The following LAYN variants were observed in gnomAD, a reference collection of about 807,000 sequenced individuals.
The protein encoded by LAYN is layilin.
In LAYN, 38 loss-of-function variants were observed where a neutral mutation model predicts 43.6. The observed-to-expected ratio is 0.87, with a 90% CI of 0.67 to 1.14. The LOEUF (loss-of-function observed/expected upper bound fraction) is 1.14, where lower values mean the gene tolerates loss of function less well. LAYN is among the 50% of genes most tolerant of loss of function. The pLI is 0.00. For missense variants in LAYN, 479 were observed against 463.8 expected, an observed-to-expected ratio of 1.03 and a Z score of -0.30; for synonymous variants, 168 against 172.9, an observed-to-expected ratio of 0.97 and a Z score of 0.22.
chr11:111,540,997 C>CAGAAGAGGG, intron 1 of LAYN, 69 bp downstream of exon 1: 1 of 1,432,696 alleles, frequency 7.0e-7, no homozygotes, highest in Non-Finnish European at 9.4e-7. Flanking sequence ...GCTGCTGACC[C>CAGAAGAGGG]TCTTCTGGGT....
chr11:111,557,450 G>T (rs1431670907), intron 5 of LAYN, 91 bp from the exon 6 acceptor site: 3 of 1,014,126 alleles, frequency 3.0e-6, no homozygotes, highest in Admixed American at 4.0e-5. Context: ...AGTGGTTTTT[G>T]ACGATTATGC....
At chr11:111,555,035 T>C (rs1479479157) in intron 4 of LAYN, among the ~76,000 whole-genome samples, 172 bp from the exon 5 acceptor site, 3 of 152,218 alleles carry the variant, frequency 2.0e-5, no homozygotes, top group Non-Finnish European at 4.4e-5. Context: ...AAGACAAAGA[T>C]AATTTAAACC....
At chr11:111,541,035 C>T in intron 1 of LAYN, 107 bp downstream of exon 1, 1 of 987,950 alleles carries the variant, frequency 1.0e-6, no homozygotes. Context: ...GAAGGCCGTC[C>T]CATGCCCCAC....
At chr11:111,549,827 T>C in intron 3 of LAYN, 52 bp downstream of exon 3, 1 of 1,544,112 alleles carries the variant, frequency 6.5e-7, no homozygotes, top group Non-Finnish European at 8.7e-7. Context: ...TTCTCTCATT[T>C]CATGAGCTGC....
At chr11:111,552,682 G>C (rs1867765079) in intron 3 of LAYN, among the ~76,000 whole-genome samples, 1 of 152,112 alleles carries the variant, frequency 6.6e-6, no homozygotes. Context: ...TTTGCACCGT[G>C]GATTGAAGTA....
intron 1 of LAYN, among the ~76,000 whole-genome samples, chr11:111,543,031 G>A (rs1000615343): frequency 1.3e-5 from 2 of 152,162 alleles, no homozygotes; most frequent in African/African-American, 4.8e-5. Context: ...CCCTTCAGGG[G>A]ACAGACTGAT....
intron 6 of LAYN, among the ~76,000 whole-genome samples, chr11:111,559,042 G>A (rs552673086): frequency 1.3e-5 from 2 of 151,982 alleles, no homozygotes; most frequent in South Asian, 4.2e-4. Flanking sequence ...CACCTCAGCT[G>A]CCCTAAGTGC....
At chr11:111,554,639 G>T in intron 4 of LAYN, 46 bp downstream of exon 4, 1 of 1,524,602 alleles carries the variant, frequency 6.6e-7, no homozygotes. Flanking sequence ...CTGTTTCATA[G>T]CCCCTCTTCA....
chr11:111,557,307 A>G (rs896988069), intron 5 of LAYN, among the ~76,000 whole-genome samples: 1 of 152,246 alleles, frequency 6.6e-6, no homozygotes, highest in Non-Finnish European at 1.5e-5. Context: ...CATCGAAACC[A>G]GAAGACTCTT....
At chr11:111,543,079 T>C (rs1468325751) in intron 1 of LAYN, among the ~76,000 whole-genome samples, 1 of 152,182 alleles carries the variant, frequency 6.6e-6, no homozygotes, top group Non-Finnish European at 1.5e-5. Flanking sequence ...AACATGAGCC[T>C]GGGGTGCAGC....
chr11:111,547,339 A>G (rs1242353021), intron 2 of LAYN, among the ~76,000 whole-genome samples: 1 of 152,228 alleles, frequency 6.6e-6, no homozygotes, highest in African/African-American at 2.4e-5. Flanking sequence ...CCAGTGTACT[A>G]ACCACTTCTT....
chr11:111,540,546 G>A (rs942343614), upstream of LAYN: 9 of 461,652 alleles, frequency 1.9e-5, no homozygotes, highest in African/African-American at 1.5e-4. Flanking sequence ...AGGGGGACAG[G>A]GAGCTGGTTC....
chr11:111,553,755 T>TACACACACACACACACAC (rs1565271662), intron 3 of LAYN, among the ~76,000 whole-genome samples: 4 of 104,072 alleles, frequency 3.8e-5, no homozygotes, highest in African/African-American at 1.3e-4. Flanking sequence ...CACACACACT[T>TACACACACACACACACAC]ATGGGAAGAT....
chr11:111,557,018 T>A (rs1207845756), intron 5 of LAYN, among the ~76,000 whole-genome samples: 1 of 152,206 alleles, frequency 6.6e-6, no homozygotes, highest in East Asian at 1.9e-4. Context: ...TCTTTCCTGG[T>A]AATGACACTG....
At chr11:111,556,583 C>G (rs1389531543) in intron 5 of LAYN, among the ~76,000 whole-genome samples, 1 of 152,162 alleles carries the variant, frequency 6.6e-6, no homozygotes. Context: ...GAACCAGGGA[C>G]AAAGGCCCAT....
At chr11:111,555,803 C>A (rs1414423391) in intron 5 of LAYN, among the ~76,000 whole-genome samples, 1 of 152,220 alleles carries the variant, frequency 6.6e-6, no homozygotes, top group African/African-American at 2.4e-5. Flanking sequence ...GAGTTTTTGT[C>A]ACTGGGCAAC....
intron 1 of LAYN, among the ~76,000 whole-genome samples, chr11:111,541,801 G>T (rs1867545458): frequency 6.6e-6 from 1 of 152,132 alleles, no homozygotes; most frequent in African/African-American, 2.4e-5. Context: ...GGCAAAAGAG[G>T]TGGGAAGCTG....
Position 111,560,546 on chromosome 11 carries a change from T to C in LAYN, c.*88T>C. 4.3e-6 allele frequency: 6 copies of C among 1,397,632 alleles called. No individual in the cohort carries two copies. Among genetic ancestry groups the C allele is most frequent in the Non-Finnish European group, 4.8e-6 (5 of 1,034,376 alleles). 86.6% of individuals were successfully genotyped at this position (1,397,632 alleles called of 1,614,324 possible). Reference sequence around the variant, plus strand: ...TTCTATAAGGAAAATACACAGAAGGTCTATGAACAAGCTTAGATCAGGTCC... The same window carrying C: ...TTCTATAAGGAAAATACACAGAAGGCCTATGAACAAGCTTAGATCAGGTCC... On this transcript the variant is annotated 3_prime_UTR_variant, in exon 7 of 7. Transcript: ENST00000375614.
chr11:111,542,980 C>T (rs1399758644), intron 1 of LAYN, among the ~76,000 whole-genome samples: 1 of 152,308 alleles, frequency 6.6e-6, no homozygotes, highest in East Asian at 1.9e-4. Context: ...GTTATTGGCT[C>T]CTCAGTAAAA....
Sources: gnomAD v4.1 joint callset for allele counts (sites outside exome capture counted in the v4.1 genomes callset) on GRCh38, gnomAD v4.1.1 for gene constraint, MANE v1.5 for transcripts, NCBI Gene and HGNC (gene_info 2026-07-23, HGNC 2026-07-21) for gene names.